Variants in TRIM44 observed in about 807,000 individuals in gnomAD.
TRIM44 encodes the protein tripartite motif-containing protein 44.
Under a neutral mutation model 37.4 loss-of-function variants are expected in TRIM44, and 13 were observed. The ratio of observed to expected loss-of-function variants is 0.35; its 90% CI spans 0.23 to 0.55. The LOEUF is 0.55. Among genes scored for constraint, TRIM44 ranks in the 20% least tolerant of loss-of-function variants. The pLI, the probability that TRIM44 is intolerant of heterozygous loss-of-function variation, is 0.89. For synonymous variants in TRIM44, 175 were observed against 157.2 expected (o/e 1.11, Z -0.85); for missense variants, 426 against 437.2 (o/e 0.97, Z 0.23).
chr11:35,785,253 C>T (rs1247608965), intron 4 of TRIM44, among the ~76,000 whole-genome samples: 2 of 152,180 alleles, frequency 1.3e-5, no homozygotes, highest in East Asian at 1.9e-4. Flanking sequence ...AAACAGCAAG[C>T]GGCAAAAACC....
Position 35,814,003 on chromosome 11 carries a change from A to T in TRIM44, c.*7618A>T, listed in dbSNP as rs1012252392. 3.3e-5 allele frequency: 5 copies of T among 152,248 alleles called. No homozygotes were observed. Among genetic ancestry groups the T allele is most frequent in the African/African-American group, 4.8e-5 (2 of 41,470 alleles). The allele number at this position is 152,248 out of a possible 1,614,324, so 9.4% of individuals were successfully genotyped here. On this transcript the variant is annotated 3_prime_UTR_variant, in exon 5 of 5. Transcript: ENST00000299413. ...CTTTCCAATGTGATGAATAAAACTAATAACTAGAATACAGATCAAATTCTG... is the reference window on the plus strand; with the variant it reads ...CTTTCCAATGTGATGAATAAAACTATTAACTAGAATACAGATCAAATTCTG...
chr11:35,740,938 T>C (rs971585394), intron 4 of TRIM44, among the ~76,000 whole-genome samples: 3 of 152,144 alleles, frequency 2.0e-5, no homozygotes, highest in African/African-American at 7.2e-5. Flanking sequence ...GTACTTTTTT[T>C]CCCCCTCTAA....
intron 4 of TRIM44, among the ~76,000 whole-genome samples, chr11:35,787,453 A>T (rs1276668391): frequency 6.6e-6 from 1 of 152,118 alleles, no homozygotes; most frequent in African/African-American, 2.4e-5. Flanking sequence ...GGAACTAATC[A>T]TCCCTTATTC....
Position 35,785,637 on chromosome 11 carries a change from T to G in TRIM44, c.1008-20721T>G, listed in dbSNP as rs1853121658. Among the ~76,000 whole-genome samples the G allele has an allele frequency of 2.0e-5, 3 of 152,354 alleles. 1 individual carries two copies. The highest frequency in any genetic ancestry group is 2.0e-4 in the Admixed American group (3 of 15,312). ...TCAGCCTGATTCTCCTTCAGTTTGC[T>G]ACTTTCAGCTCAGTTAAGCTGGCAG... On this transcript the variant is annotated intron_variant, in intron 4 of 4. Transcript: ENST00000299413.
intron 1 of TRIM44, among the ~76,000 whole-genome samples, chr11:35,674,558 G>A (rs1851438581): frequency 6.6e-6 from 1 of 152,124 alleles, no homozygotes; most frequent in Non-Finnish European, 1.5e-5. Flanking sequence ...TTAGTTTTTG[G>A]TAAGGTAATA....
At chr11:35,768,110 C>T (rs979146626) in intron 4 of TRIM44, among the ~76,000 whole-genome samples, 5 of 152,112 alleles carry the variant, frequency 3.3e-5, no homozygotes, top group African/African-American at 9.7e-5. Flanking sequence ...GAAACTTAGA[C>T]GGGGAATGGG....
At position 35,807,214 on chromosome 11, in the gene TRIM44, C is replaced by G. The variant is rs577119785; in HGVS notation, c.*829C>G. 2.6e-5 allele frequency: 4 copies of G among 152,228 alleles called. No homozygotes were observed. In the South Asian group the frequency reaches 8.3e-4, roughly 32 times the overall value. 9.4% of individuals were successfully genotyped at this position (152,228 alleles called of 1,614,324 possible). On this transcript the variant is annotated 3_prime_UTR_variant, in exon 5 of 5. Transcript: ENST00000299413. ...TTCTGCAGGTTTTATGGGCTTGTCACAACGTGAAGGGCTGGAATGTATATT... is the reference window on the plus strand; with the variant it reads ...TTCTGCAGGTTTTATGGGCTTGTCAGAACGTGAAGGGCTGGAATGTATATT...
intron 1 of TRIM44, among the ~76,000 whole-genome samples, chr11:35,680,420 T>C (rs984905298): frequency 6.6e-6 from 1 of 152,156 alleles, no homozygotes; most frequent in South Asian, 2.1e-4. Flanking sequence ...AAAAAACTGT[T>C]ACATGTACCA....
At chr11:35,669,202 G>A (rs1851364619) in intron 1 of TRIM44, among the ~76,000 whole-genome samples, 2 of 152,138 alleles carry the variant, frequency 1.3e-5, no homozygotes, top group Admixed American at 1.3e-4. Context: ...ATTCTGCTAA[G>A]GCCTGAGAGT....
At chr11:35,774,821 G>T (rs1304369864) in intron 4 of TRIM44, among the ~76,000 whole-genome samples, 1 of 152,108 alleles carries the variant, frequency 6.6e-6, no homozygotes, top group East Asian at 1.9e-4. Context: ...TGTTCCATTG[G>T]TCTATATCTC....
At chr11:35,747,977 A>T (rs1223602241) in intron 4 of TRIM44, among the ~76,000 whole-genome samples, 1 of 152,134 alleles carries the variant, frequency 6.6e-6, no homozygotes, top group Non-Finnish European at 1.5e-5. Flanking sequence ...CCAGGCACAG[A>T]TGCTCCAGCC....
intron 3 of TRIM44, among the ~76,000 whole-genome samples, chr11:35,731,951 TGC>T (rs1442596937): frequency 6.6e-6 from 1 of 152,194 alleles, no homozygotes; most frequent in African/African-American, 2.4e-5. Flanking sequence ...ATACCCATTT[TGC>T]GCCATTTATA....
At chr11:35,781,740 A>G (rs1279896339) in intron 4 of TRIM44, among the ~76,000 whole-genome samples, 1 of 152,268 alleles carries the variant, frequency 6.6e-6, no homozygotes, top group African/African-American at 2.4e-5. Context: ...TATGTGGCAT[A>G]GAATAATTGA....
intron 4 of TRIM44, among the ~76,000 whole-genome samples, chr11:35,763,653 C>T (rs951786000): frequency 2.0e-5 from 3 of 152,206 alleles, no homozygotes; most frequent in African/African-American, 7.2e-5. Context: ...CCACACACTA[C>T]TGGGAGTGGT....
chr11:35,725,797 T>G, intron 2 of TRIM44, 127 bp from the exon 3 acceptor site: 1 of 985,030 alleles, frequency 1.0e-6, no homozygotes, highest in African/African-American at 1.6e-5. Context: ...TTTTAGGATA[T>G]TCCCAAAACT....
At chr11:35,723,260 A>G (rs148796154) in intron 2 of TRIM44, among the ~76,000 whole-genome samples, 236 of 152,276 alleles carry the variant, frequency 1.5e-3, no homozygotes, top group Middle Eastern at 3.4e-3. Flanking sequence ...CCCTTCACCT[A>G]TAAAATTAGA....
intron 1 of TRIM44, among the ~76,000 whole-genome samples, chr11:35,671,353 A>G (rs1163589430): frequency 1.3e-5 from 2 of 152,256 alleles, no homozygotes; most frequent in South Asian, 2.1e-4. Context: ...TAAAATGGGC[A>G]TAATGATAAG....
At chr11:35,788,292 A>G (rs1853155809) in intron 4 of TRIM44, among the ~76,000 whole-genome samples, 1 of 152,192 alleles carries the variant, frequency 6.6e-6, no homozygotes, top group Non-Finnish European at 1.5e-5. Flanking sequence ...GATCTTTGTT[A>G]TGACTTGTTA....
chr11:35,745,124 T>TAGGTCTTTG (rs1308451631), intron 4 of TRIM44, among the ~76,000 whole-genome samples: 1 of 152,202 alleles, frequency 6.6e-6, no homozygotes, highest in Non-Finnish European at 1.5e-5. Context: ...TTTCTGGTTC[T>TAGGTCTTTG]AGGTCTTTGA....
Sources: gnomAD v4.1 joint callset for allele counts (sites outside exome capture counted in the v4.1 genomes callset) on GRCh38, gnomAD v4.1.1 for gene constraint, MANE v1.5 for transcripts, NCBI Gene and HGNC (gene_info 2026-07-23, HGNC 2026-07-21) for gene names.